AK9: variants seen among roughly 807,000 people sequenced by gnomAD.
AK9 encodes the protein adenylate kinase 9.
Under a neutral mutation model 239.6 loss-of-function variants are expected in AK9, and 191 were observed. The ratio of observed to expected loss-of-function variants is 0.80; its 90% CI spans 0.71 to 0.90. The LOEUF (loss-of-function observed/expected upper bound fraction) is 0.90. Among genes scored for constraint, AK9 ranks in the 40% least tolerant of loss-of-function variants. The pLI, the probability that AK9 is intolerant of heterozygous loss-of-function variation, is 0.00. For missense variants in AK9, 1,995 were observed against 2,214.7 expected (o/e 0.90, Z 1.99); for synonymous variants, 689 against 721.0 (o/e 0.96, Z 0.71).
At chr6:109,642,423 T>C (rs1462520080) in intron 9 of AK9, among the ~76,000 whole-genome samples, 2 of 152,192 alleles carry the variant, frequency 1.3e-5, no homozygotes, top group African/African-American at 4.8e-5. Flanking sequence ...CACTGATTAA[T>C]TCCCTAGTTC....
chr6:109,632,656 G>C (rs776787674), intron 12 of AK9: 11 of 714,662 alleles, frequency 1.5e-5, no homozygotes, highest in Non-Finnish European at 2.1e-5. Context: ...AGGTGGCAGA[G>C]TCTGAATGAC....
chr6:109,671,426 T>C (rs1433370033), intron 5 of AK9, among the ~76,000 whole-genome samples: 2 of 152,196 alleles, frequency 1.3e-5, no homozygotes, highest in African/African-American at 2.4e-5. Flanking sequence ...TCAGCATCCA[T>C]TTGAGTACCA....
chr6:109,639,359 T>C (rs900421910), intron 10 of AK9, among the ~76,000 whole-genome samples: 3 of 152,218 alleles, frequency 2.0e-5, no homozygotes, highest in Admixed American at 1.3e-4. Flanking sequence ...TGGTGTGAGA[T>C]GGTATCTCAT....
intron 14 of AK9, 28 bp from the exon 15 acceptor site, chr6:109,614,324 C>T: frequency 6.5e-7 from 1 of 1,547,930 alleles, no homozygotes; most frequent in Non-Finnish European, 8.7e-7. Context: ...TATACTTTAT[C>T]AGCTAATCTA....
intron 2 of AK9, 40 bp from the exon 3 acceptor site, chr6:109,674,301 T>A: frequency 7.1e-7 from 1 of 1,406,584 alleles, no homozygotes; most frequent in Non-Finnish European, 9.6e-7. Flanking sequence ...AATAGAACAG[T>A]TACTTGCCAG....
At chr6:109,513,745 C>G (rs757300808) in intron 32 of AK9, among the ~76,000 whole-genome samples, 7 of 152,224 alleles carry the variant, frequency 4.6e-5, no homozygotes, top group Non-Finnish European at 8.8e-5. Context: ...TTACTGACCA[C>G]TGGCATCCCC....
chr6:109,516,615 T>A lies in AK9; in HGVS notation c.3661A>T (p.Ser1221Cys). 6.5e-7 allele frequency: 1 copy of A among 1,550,080 alleles called. No individual in the cohort carries two copies. The highest frequency in any genetic ancestry group is 8.7e-7 in the Non-Finnish European group (1 of 1,146,694). The change falls in exon 30 of 41, where the codon AGT becomes TGT. Residue 1221 changes from serine (S) to cysteine (C), a missense_variant. Physicochemically the swap from Ser to Cys is moderately radical, Grantham distance 112 (BLOSUM62 -1). This residue lies in a region of AK9 where 1,290 missense variants were observed against 1,392.7 expected (regional missense o/e 0.93). Transcript: ENST00000424296. Reference protein sequence around the residue: ...ENVVRDDEEISEEELEEDNDD... With the variant: ...ENVVRDDEEICEEELEEDNDD... Reference sequence around the variant, plus strand: ...TTGTCTTCTTCAAGTTCTTCCTCACTAATCTCTTCATCATCTCTAACAACA... The same window carrying A: ...TTGTCTTCTTCAAGTTCTTCCTCACAAATCTCTTCATCATCTCTAACAACA...
intron 8 of AK9, among the ~76,000 whole-genome samples, chr6:109,647,267 T>C (rs1177958225): frequency 1.3e-5 from 2 of 152,216 alleles, no homozygotes; most frequent in Non-Finnish European, 2.9e-5. Flanking sequence ...ATGGGCTAAA[T>C]GCTCCAATTA....
chr6:109,563,541 T>G, intron 24 of AK9, 56 bp downstream of exon 24: 1 of 1,535,160 alleles, frequency 6.5e-7, no homozygotes. Flanking sequence ...CCACTCTTAT[T>G]TGCATATTTT....
intron 1 of AK9, among the ~76,000 whole-genome samples, 193 bp downstream of exon 1, chr6:109,690,954 G>C (rs183190458): frequency 6.6e-6 from 1 of 152,262 alleles, no homozygotes; most frequent in East Asian, 1.9e-4. Flanking sequence ...ACCGTCAGAG[G>C]GCCGGCTTCC....
chr6:109,531,186 A>AC (rs1424467800), intron 28 of AK9, among the ~76,000 whole-genome samples: 1 of 152,226 alleles, frequency 6.6e-6, no homozygotes, highest in African/African-American at 2.4e-5. Flanking sequence ...GAGAATTCAG[A>AC]CCTTAATGGG....
At chr6:109,573,910 A>AC (rs1787738604) in intron 20 of AK9, among the ~76,000 whole-genome samples, 1 of 152,202 alleles carries the variant, frequency 6.6e-6, no homozygotes, top group South Asian at 2.1e-4. Flanking sequence ...AGAAATGGCT[A>AC]CATCAGCACC....
chr6:109,662,407 TA>T, intron 6 of AK9, 143 bp downstream of exon 6: 1 of 629,472 alleles, frequency 1.6e-6, no homozygotes, highest in Non-Finnish European at 2.2e-6. Context: ...AGCACAGAAC[TA>T]TGAGAAGTAT....
intron 17 of AK9, among the ~76,000 whole-genome samples, chr6:109,598,520 G>A (rs1791394878): frequency 6.6e-6 from 1 of 152,242 alleles, no homozygotes. Flanking sequence ...TGTGAATAGT[G>A]CCGCAATAAA....
chr6:109,550,348 A>AT (rs1582960278), intron 24 of AK9, 46 bp from the exon 25 acceptor site: 1 of 1,514,782 alleles, frequency 6.6e-7, no homozygotes, highest in Non-Finnish European at 8.9e-7. Flanking sequence ...CTAAAAAAGT[A>AT]TTTTGATGCA....
intron 28 of AK9, among the ~76,000 whole-genome samples, chr6:109,531,821 T>C (rs1170853274): frequency 6.6e-6 from 1 of 152,202 alleles, no homozygotes; most frequent in African/African-American, 2.4e-5. Flanking sequence ...AAGAACAGTG[T>C]GGAGCCACGT....
intron 12 of AK9, among the ~76,000 whole-genome samples, chr6:109,620,665 C>T (rs569368657): frequency 6.6e-6 from 1 of 152,038 alleles, no homozygotes; most frequent in East Asian, 1.9e-4. Flanking sequence ...AAATCTTCAT[C>T]CACATCTTCA....
At chr6:109,596,841 TC>T (rs908823414) in intron 17 of AK9, among the ~76,000 whole-genome samples, 3 of 152,212 alleles carry the variant, frequency 2.0e-5, no homozygotes, top group African/African-American at 7.2e-5. Flanking sequence ...TGATTTCTTT[TC>T]CTTTGGGTAG....
At position 109,625,035 on chromosome 6, in the gene AK9, CAAATGTTCCCT is replaced by C. The variant is rs1180706221; in HGVS notation, c.1255-5810_1255-5800del. On this transcript the variant is annotated intron_variant, in intron 12 of 40. Coordinates refer to ENST00000424296, the MANE Select transcript of AK9 (RefSeq NM_001145128.3). ...ATTTCAAAGGACTCTTTTTGTTTTC[CAAATGTTCCCT>C]TTTCTGTTTCTAATATCCTGATCTA... 4.6e-5 allele frequency among the ~76,000 whole-genome samples: 7 copies of C among 151,430 alleles called. No homozygotes were observed. The East Asian group carries it at 1.4e-3, about 29-fold the overall frequency.
Sources: gnomAD v4.1 joint callset for allele counts (sites outside exome capture counted in the v4.1 genomes callset) on GRCh38, gnomAD v4.1.1 for gene constraint, gnomAD v4.1.1 regional missense constraint, MANE v1.5 for transcripts, NCBI Gene and HGNC (gene_info 2026-07-23, HGNC 2026-07-21) for gene names.